LRP1B: variants seen among roughly 807,000 people sequenced by gnomAD.
LRP1B encodes the protein low-density lipoprotein receptor-related protein 1B.
In LRP1B, 217 loss-of-function variants were observed where a neutral mutation model predicts 556.6. That is an observed-to-expected ratio of 0.39 (90% CI 0.35 to 0.44). The LOEUF is 0.44. LRP1B is among the 20% of genes least tolerant of loss of function. LRP1B has a pLI of 1.00. For missense variants in LRP1B, 5,053 were observed against 5,620.8 expected (o/e 0.90, Z 3.23); for synonymous variants, 2,047 against 1,865.8 (o/e 1.10, Z -2.50).
In LRP1B at chr2:141,800,754, GA is replaced by G. The variant is rs546583957; in HGVS notation, c.205+9524del. ...CATTTAACCAGAATAGATAAAGTGA[GA>G]AAAAAACTAGCATAGGTTAAAGCTA... On this transcript the variant is annotated intron_variant, in intron 2 of 90. Transcript: ENST00000389484. Among the ~76,000 whole-genome samples the G allele has an allele frequency of 1.0e-3, 155 of 152,198 alleles. 1 individual carries two copies. Among genetic ancestry groups the G allele is most frequent in the African/African-American group, 3.6e-3 (151 of 41,536 alleles).
chr2:141,534,479 T>C (rs1684997778), intron 2 of LRP1B, among the ~76,000 whole-genome samples: 1 of 152,146 alleles, frequency 6.6e-6, no homozygotes, highest in African/African-American at 2.4e-5. Flanking sequence ...TGGAAGTTTT[T>C]CCGTGGTACT....
chr2:141,919,699 A>G (rs192513637), intron 1 of LRP1B, among the ~76,000 whole-genome samples: 1 of 151,982 alleles, frequency 6.6e-6, no homozygotes, highest in African/African-American at 2.4e-5. Flanking sequence ...ATGGCTACGC[A>G]TTTATTTTAG....
intron 41 of LRP1B, among the ~76,000 whole-genome samples, chr2:140,618,868 T>C (rs55712314): frequency 0.23 from 34,666 of 151,698 alleles, 4,285 homozygotes; most frequent in Admixed American, 0.3. Flanking sequence ...CAAATGAAAA[T>C]CGAAGAAGGT....
intron 1 of LRP1B, among the ~76,000 whole-genome samples, chr2:141,975,675 C>T (rs1701865979): frequency 6.6e-6 from 1 of 152,060 alleles, no homozygotes; most frequent in African/African-American, 2.4e-5. Flanking sequence ...CCAATTGTGT[C>T]TGATGCCTGC....
At chr2:140,382,769 CAAAG>C (rs1683576216) in intron 67 of LRP1B, among the ~76,000 whole-genome samples, 1 of 152,128 alleles carries the variant, frequency 6.6e-6, no homozygotes, top group African/African-American at 2.4e-5. Context: ...GATTCATAAA[CAAAG>C]AAGTCCAAAA....
chr2:140,534,832 C>T (rs1014650903), intron 46 of LRP1B, among the ~76,000 whole-genome samples: 2 of 152,120 alleles, frequency 1.3e-5, no homozygotes, highest in Admixed American at 6.6e-5. Flanking sequence ...TTCATGCTCT[C>T]GACTACCATA....
chr2:141,159,342 T>C (rs961351093), intron 7 of LRP1B, among the ~76,000 whole-genome samples: 1 of 151,948 alleles, frequency 6.6e-6, no homozygotes, highest in Non-Finnish European at 1.5e-5. Context: ...GCTCATTAAT[T>C]GATACTAAAG....
At chr2:141,457,576 T>C (rs112409357) in intron 3 of LRP1B, among the ~76,000 whole-genome samples, 6 of 152,172 alleles carry the variant, frequency 3.9e-5, no homozygotes, top group African/African-American at 1.2e-4. Flanking sequence ...ATCCTACACG[T>C]GTACCCTGGA....
chr2:140,379,502 T>C (rs12992848), intron 67 of LRP1B, among the ~76,000 whole-genome samples: 13,591 of 152,004 alleles, frequency 0.089, 716 homozygotes, highest in Middle Eastern at 0.14. Context: ...CAAGTCCAGC[T>C]TGGTCAACAT....
intron 59 of LRP1B, among the ~76,000 whole-genome samples, chr2:140,478,566 C>G (rs529069623): frequency 6.6e-6 from 1 of 152,210 alleles, no homozygotes; most frequent in South Asian, 2.1e-4. Flanking sequence ...GATGGGGAAA[C>G]TTGGAACAAG....
At chr2:140,515,956 C>A (rs758743787) in intron 50 of LRP1B, among the ~76,000 whole-genome samples, 1 of 151,950 alleles carries the variant, frequency 6.6e-6, no homozygotes, top group African/African-American at 2.4e-5. Context: ...TGAATATATA[C>A]CTTGTTTTCC....
intron 27 of LRP1B, among the ~76,000 whole-genome samples, chr2:140,862,210 G>A (rs1176091748): frequency 6.6e-6 from 1 of 152,068 alleles, no homozygotes; most frequent in African/African-American, 2.4e-5. Context: ...TGAAGTGTCT[G>A]CAAATGATGG....
intron 82 of LRP1B, among the ~76,000 whole-genome samples, chr2:140,321,749 G>A (rs2105052328): frequency 6.6e-6 from 1 of 152,208 alleles, no homozygotes; most frequent in South Asian, 2.1e-4. Context: ...TTAAGTGCCT[G>A]TAAATGTTCA....
At chr2:141,019,085 T>C (rs1451980694) in intron 12 of LRP1B, among the ~76,000 whole-genome samples, 1 of 152,048 alleles carries the variant, frequency 6.6e-6, no homozygotes, top group African/African-American at 2.4e-5. Context: ...TTCAATAAAA[T>C]AACATTTTTA....
At position 141,074,447 on chromosome 2, in the gene LRP1B, G is replaced by C. The variant is rs543137229; in HGVS notation, c.1014-12174C>G. Among the ~76,000 whole-genome samples the C allele has an allele frequency of 5.9e-5, 9 of 151,690 alleles. 1 individual carries two copies. Among genetic ancestry groups the C allele is most frequent in the Middle Eastern group, 6.9e-3 (2 of 290 alleles). The stretch of plus-strand genomic sequence containing the variant: ...AATAGATACAAACACATATAAAGTT[G>C]TTTAAAATCTATGAAGCAGACTACA... On this transcript the variant is annotated intron_variant, in intron 7 of 90. Transcript: ENST00000389484.
intron 1 of LRP1B, among the ~76,000 whole-genome samples, chr2:142,042,724 C>T (rs1375751646): frequency 1.3e-5 from 2 of 151,498 alleles, no homozygotes; most frequent in African/African-American, 2.4e-5. Flanking sequence ...GGTCTAACCA[C>T]CTGAATTCTA....
chr2:140,358,738 T>C lies in LRP1B; in HGVS notation c.11257+83A>G, dbSNP rs376590640. ...TGCCCTCAGATGTCCACATAAGAAA[T>C]GTATTTTTTAAAATGTTTGTACTCC... On this transcript the variant is annotated intron_variant, in intron 73 of 90. Coordinates refer to ENST00000389484, the MANE Select transcript of LRP1B (RefSeq NM_018557.3). 753 of 1,430,280 alleles carry C rather than the reference T, an allele frequency of 5.3e-4. 5 individuals are homozygous for C. In the African/African-American group the frequency reaches 9.5e-3, roughly 18 times the overall value. The allele number at this position is 1,430,280 out of a possible 1,614,324, so 88.6% of individuals were successfully genotyped here. A position where few individuals can be genotyped will look rare whatever the true frequency, so the allele number is the denominator to read the frequency against.
intron 66 of LRP1B, among the ~76,000 whole-genome samples, chr2:140,405,039 A>G (rs957889196): frequency 6.6e-6 from 1 of 152,238 alleles, no homozygotes; most frequent in African/African-American, 2.4e-5. Context: ...ATCAGACCAC[A>G]GTAGAGTAAA....
intron 35 of LRP1B, among the ~76,000 whole-genome samples, chr2:140,764,697 T>C (rs1192594407): frequency 1.3e-5 from 2 of 152,180 alleles, no homozygotes; most frequent in Non-Finnish European, 2.9e-5. Flanking sequence ...CATATATTCC[T>C]TCCGCCATAC....
Sources: gnomAD v4.1 joint callset for allele counts (sites outside exome capture counted in the v4.1 genomes callset) on GRCh38, gnomAD v4.1.1 for gene constraint, MANE v1.5 for transcripts, NCBI Gene and HGNC (gene_info 2026-07-23, HGNC 2026-07-21) for gene names.